The following EPHA3 variants were observed in gnomAD, a reference collection of about 807,000 sequenced individuals.
The protein encoded by EPHA3 is EPH receptor A3, also known as ephrin type-A receptor 3.
EPHA3 carries 42 observed loss-of-function variants against 107.1 expected under a neutral mutation model. The observed-to-expected ratio is 0.39, with a 90% CI of 0.31 to 0.51. EPHA3 has a LOEUF of 0.51. Among genes scored for constraint, EPHA3 ranks in the 20% least tolerant of loss-of-function variants. The probability of loss-of-function intolerance (pLI) is 0.78; values close to 1 mark genes in which losing one functional copy is unlikely to be tolerated. For missense variants in EPHA3, 1,183 were observed against 1,211.2 expected, an observed-to-expected ratio of 0.98 and a Z score of 0.35; for synonymous variants, 461 against 424.8, an observed-to-expected ratio of 1.09 and a Z score of -1.05.
At chr3:89,202,534 A>AT (rs1251884296) in intron 2 of EPHA3, among the ~76,000 whole-genome samples, 1,049 of 37,266 alleles carry the variant, frequency 0.028, 4 homozygotes, top group East Asian at 0.066. Flanking sequence ...AAAAAAAAAA[A>AT]ATATATATAT....
chr3:89,186,508 G>A (rs1221266392), intron 2 of EPHA3, among the ~76,000 whole-genome samples: 1 of 152,064 alleles, frequency 6.6e-6, no homozygotes, highest in African/African-American at 2.4e-5. Flanking sequence ...TTCACTCTGT[G>A]AAATGAGAAC....
intron 13 of EPHA3, among the ~76,000 whole-genome samples, chr3:89,447,575 A>G (rs1709899957): frequency 6.6e-6 from 1 of 152,138 alleles, no homozygotes; most frequent in Non-Finnish European, 1.5e-5. Flanking sequence ...AAAATTTGAC[A>G]TTTTAGCTTC....
At chr3:89,392,618 T>C (rs1383457786) in intron 5 of EPHA3, among the ~76,000 whole-genome samples, 1 of 152,102 alleles carries the variant, frequency 6.6e-6, no homozygotes, top group Non-Finnish European at 1.5e-5. Context: ...TGTTTAACCA[T>C]TAACTTCCAT....
At chr3:89,219,764 A>G (rs1704322669) in intron 3 of EPHA3, among the ~76,000 whole-genome samples, 1 of 106,546 alleles carries the variant, frequency 9.4e-6, no homozygotes, top group Non-Finnish European at 1.8e-5. Context: ...GCTGGAGTGC[A>G]GTGGCGGGAT....
intron 5 of EPHA3, among the ~76,000 whole-genome samples, chr3:89,387,753 T>C (rs1708651624): frequency 6.6e-6 from 1 of 151,968 alleles, no homozygotes. Context: ...ATATAAGATT[T>C]CATTTTGGTG....
intron 16 of EPHA3, among the ~76,000 whole-genome samples, chr3:89,477,487 G>A (rs1331636559): frequency 6.6e-6 from 1 of 152,106 alleles, no homozygotes; most frequent in Non-Finnish European, 1.5e-5. Context: ...GTTACCTATT[G>A]TTTTCTTGAA....
intron 3 of EPHA3, among the ~76,000 whole-genome samples, chr3:89,269,312 A>G (rs994129): frequency 0.51 from 77,355 of 151,926 alleles, 20,993 homozygotes; most frequent in African/African-American, 0.7. Context: ...ATTAGTTTCC[A>G]AAATGTGAAT....
At chr3:89,427,418 A>G (rs186054674) in intron 11 of EPHA3, among the ~76,000 whole-genome samples, 3 of 152,014 alleles carry the variant, frequency 2.0e-5, no homozygotes, top group Admixed American at 2.0e-4. Context: ...CCTCATGATA[A>G]ATAAGACACA....
chr3:89,333,090 T>C (rs1707323359), intron 3 of EPHA3, among the ~76,000 whole-genome samples: 1 of 152,212 alleles, frequency 6.6e-6, no homozygotes. Context: ...CAATTACAAC[T>C]GTGACAAAAA....
At chr3:89,444,789 T>C (rs923240401) in intron 13 of EPHA3, among the ~76,000 whole-genome samples, 5 of 152,184 alleles carry the variant, frequency 3.3e-5, no homozygotes, top group African/African-American at 1.2e-4. Flanking sequence ...TTTCCCTCAA[T>C]GATGGATGGC....
intron 5 of EPHA3, among the ~76,000 whole-genome samples, chr3:89,346,638 C>A (rs1278565753): frequency 6.6e-6 from 1 of 150,998 alleles, no homozygotes; most frequent in Non-Finnish European, 1.5e-5. Flanking sequence ...TCCCATTTGT[C>A]AATTGTGGCT....
Position 89,210,014 on chromosome 3 carries a change from T to A in EPHA3, c.308T>A (p.Leu103Gln). The A allele has an allele frequency of 1.2e-6, 2 of 1,614,020 alleles. No homozygotes were observed. Among genetic ancestry groups the A allele is most frequent in the Non-Finnish European group, 1.7e-6 (2 of 1,179,944 alleles). ...ATTTATGTGGAGCTCAAGTTCACTC[T>A]ACGAGACTGCAATAGCATTCCATTG... The part of the protein sequence containing the change: ...QKIYVELKFT[L>Q]RDCNSIPLVL... The change falls in exon 3 of 17, where the codon CTA (leucine) becomes CAA (glutamine). Residue 103 changes from leucine to glutamine, a missense_variant. Coordinates refer to ENST00000336596, the MANE Select transcript of EPHA3 (RefSeq NM_005233.6).
chr3:89,375,888 A>T (rs146774688), intron 5 of EPHA3, among the ~76,000 whole-genome samples: 1 of 152,100 alleles, frequency 6.6e-6, no homozygotes, highest in African/African-American at 2.4e-5. Context: ...ATAGGTTATC[A>T]GAGGGAAATT....
chr3:89,409,032 T>G (rs1179481521), intron 9 of EPHA3, among the ~76,000 whole-genome samples: 1 of 152,076 alleles, frequency 6.6e-6, no homozygotes, highest in East Asian at 1.9e-4. Flanking sequence ...GTAAAAAACT[T>G]GACTACCTGT....
chr3:89,405,168 GAA>G (rs1376955197), intron 7 of EPHA3, among the ~76,000 whole-genome samples: 3 of 152,120 alleles, frequency 2.0e-5, no homozygotes, highest in Non-Finnish European at 4.4e-5. Flanking sequence ...AGGGAAAGAA[GAA>G]AGAGTTGAGG....
intron 5 of EPHA3, among the ~76,000 whole-genome samples, chr3:89,388,797 C>T (rs994407984): frequency 1.3e-5 from 2 of 152,066 alleles, no homozygotes; most frequent in Non-Finnish European, 2.9e-5. Context: ...ATCTCCAGAC[C>T]GTTCTGTTGG....
intron 13 of EPHA3, among the ~76,000 whole-genome samples, chr3:89,443,687 A>T (rs1432376162): frequency 6.6e-6 from 1 of 152,182 alleles, no homozygotes; most frequent in East Asian, 1.9e-4. Context: ...AAGTTTTGTA[A>T]ACAGCAGAGG....
chr3:89,426,711 T>A (rs1254252493), intron 11 of EPHA3, among the ~76,000 whole-genome samples: 2 of 151,990 alleles, frequency 1.3e-5, no homozygotes, highest in Non-Finnish European at 2.9e-5. Flanking sequence ...ATGCAGTAAC[T>A]GGCCAATGAT....
At chr3:89,431,000 T>C in intron 12 of EPHA3, 150 bp from the exon 13 acceptor site, 1 of 673,262 alleles carries the variant, frequency 1.5e-6, no homozygotes, top group East Asian at 2.8e-5. Context: ...CTTGTATCCA[T>C]TTGCCACATA....
Sources: gnomAD v4.1 joint callset for allele counts (sites outside exome capture counted in the v4.1 genomes callset) on GRCh38, gnomAD v4.1.1 for gene constraint, MANE v1.5 for transcripts, NCBI Gene and HGNC (gene_info 2026-07-23, HGNC 2026-07-21) for gene names.